The following DNAH11 variants were observed in gnomAD, a reference collection of about 807,000 sequenced individuals.
The protein encoded by DNAH11 is axonemal beta dynein heavy chain 11.
In DNAH11, 442 loss-of-function variants were observed where a neutral mutation model predicts 526.0. That is an observed-to-expected ratio of 0.84 (90% CI 0.78 to 0.91). The LOEUF is 0.91. DNAH11 is among the 40% of genes least tolerant of loss of function. DNAH11 has a pLI of 0.00. For missense variants in DNAH11, 6,989 were observed against 5,448.7 expected (o/e 1.28, Z -8.90); for synonymous variants, 2,461 against 1,935.9 (o/e 1.27, Z -7.12).
chr7:21,884,830 A>T (rs554095092), intron 76 of DNAH11, among the ~76,000 whole-genome samples: 2 of 152,312 alleles, frequency 1.3e-5, no homozygotes, highest in African/African-American at 4.8e-5. Context: ...TTTGATTTCT[A>T]TTCCAGAGTT....
chr7:21,872,593 G>A (rs895933568), intron 73 of DNAH11, among the ~76,000 whole-genome samples: 3 of 152,162 alleles, frequency 2.0e-5, no homozygotes, highest in African/African-American at 7.2e-5. Context: ...ATAACCTGTA[G>A]GTGTTTGGTA....
chr7:21,843,473 G>GTT (rs931095695), intron 66 of DNAH11, among the ~76,000 whole-genome samples: 17 of 137,538 alleles, frequency 1.2e-4, no homozygotes, highest in African/African-American at 5.0e-4. Context: ...CTATGCTCAG[G>GTT]TTTTTTTTGT....
intron 61 of DNAH11, among the ~76,000 whole-genome samples, chr7:21,790,962 G>A (rs2127989335): frequency 6.6e-6 from 1 of 152,348 alleles, no homozygotes; most frequent in Non-Finnish European, 1.5e-5. Context: ...GATGCTGGAA[G>A]AAGAAAAGAA....
At position 21,725,806 on chromosome 7, in the gene DNAH11, C is replaced by T. The variant is rs370674737; in HGVS notation, c.7267-5C>T. 12 of 1,607,386 alleles carry T rather than the reference C, an allele frequency of 7.5e-6. No individual in the cohort carries two copies. The South Asian group carries it at 1.2e-4, about 16-fold the overall frequency. On this transcript the variant is annotated splice_polypyrimidine_tract_variant and splice_region_variant and intron_variant, in intron 44 of 81. Transcript: ENST00000409508. ...TGCAATAAGGATTTCTTTTGTTCTCCTTAGATTTCTGATTATCAAGCTGAC... is the reference window on the plus strand; with the variant it reads ...TGCAATAAGGATTTCTTTTGTTCTCTTTAGATTTCTGATTATCAAGCTGAC...
In DNAH11 at chr7:21,738,109, C is replaced by A. The variant is rs146248740; in HGVS notation, c.7646-592C>A. Among the ~76,000 whole-genome samples the A allele has an allele frequency of 5.0e-3, 759 of 152,130 alleles. 9 individuals carry two copies. The highest frequency in any genetic ancestry group is 0.017 in the African/African-American group (714 of 41,504). On this transcript the variant is annotated intron_variant, in intron 46 of 81. Transcript: ENST00000409508. Reference sequence around the variant, plus strand: ...AATCAGATACTACATCTCAGACACGCACTGTTCTGGATTTTCTTCACCCAG... The same window carrying A: ...AATCAGATACTACATCTCAGACACGAACTGTTCTGGATTTTCTTCACCCAG...
intron 55 of DNAH11, among the ~76,000 whole-genome samples, chr7:21,768,768 T>C (rs1787294671): frequency 6.6e-6 from 1 of 152,248 alleles, no homozygotes; most frequent in African/African-American, 2.4e-5. Flanking sequence ...ATTTTACTGC[T>C]ATATTTAAAG....
At chr7:21,559,543 TC>T in intron 3 of DNAH11, 59 bp from the exon 4 acceptor site, 2 of 1,338,506 alleles carry the variant, frequency 1.5e-6, no homozygotes, top group Middle Eastern at 3.8e-4. Flanking sequence ...ACTATTAAAG[TC>T]TATGTCTTTG....
intron 30 of DNAH11, among the ~76,000 whole-genome samples, chr7:21,672,835 A>G (rs1360695324): frequency 6.6e-6 from 1 of 152,092 alleles, no homozygotes; most frequent in Non-Finnish European, 1.5e-5. Flanking sequence ...AAAATGGGGG[A>G]CCAGCCACCA....
In DNAH11 at chr7:21,744,506, A is replaced by C; in HGVS notation, c.8223A>C (p.Glu2741Asp). The C allele has an allele frequency of 6.2e-7, 1 of 1,613,920 alleles. No homozygotes were observed. Among genetic ancestry groups the C allele is most frequent in the Non-Finnish European group, 8.5e-7 (1 of 1,179,844 alleles). Residue 2741 changes from glutamate to aspartate, a missense_variant, in exon 50 of 82, where the codon GAA becomes GAC. Physicochemically the swap from Glu to Asp is conservative, Grantham distance 45. Coordinates refer to ENST00000409508, the MANE Select transcript of DNAH11 (RefSeq NM_001277115.2). ...ATTTAATACATCTGTGGCTTCATGAATCTGCCCGTGTTTATGGAGACAAAC... is the reference window on the plus strand; with the variant it reads ...ATTTAATACATCTGTGGCTTCATGACTCTGCCCGTGTTTATGGAGACAAAC... ...PLDLIHLWLH[E>D]SARVYGDKLI...
Position 21,543,470 on chromosome 7 carries a change from G to A in DNAH11, c.225G>A (p.Glu75=). Reference sequence around the variant, plus strand: ...CGATGATGCTGGGGTTCACGGAGGAGAAATGGAGCCAGTATTTGGAAAGCG... The same window carrying A: ...CGATGATGCTGGGGTTCACGGAGGAAAAATGGAGCCAGTATTTGGAAAGCG... ...RLAMMLGFTE[E]KWSQYLESED... Residue 75 remains glutamate, a synonymous_variant, in exon 1 of 82, where the codon GAG becomes GAA. Coordinates refer to ENST00000409508, the MANE Select transcript of DNAH11 (RefSeq NM_001277115.2). The A allele has an allele frequency of 6.3e-7, 1 of 1,588,988 alleles. No homozygotes were observed. The highest frequency in any genetic ancestry group is 8.6e-7 in the Non-Finnish European group (1 of 1,167,144).
Position 21,600,706 on chromosome 7 carries a change from G to A in DNAH11, c.3031G>A (p.Glu1011Lys). The A allele has an allele frequency of 1.9e-6, 3 of 1,613,196 alleles. No individual in the cohort carries two copies. Among genetic ancestry groups the A allele is most frequent in the Non-Finnish European group, 2.5e-6 (3 of 1,179,432 alleles). ...NDMDNMLGLA[E>K]VRQEIMNRVV... ...TATGGATAACATGTTAGGCCTGGCA[G>A]AGGTCAGGCAGGAGATCATGAACAG... Residue 1011 changes from glutamate to lysine, a missense_variant, in exon 16 of 82, where the codon GAG (glutamate) becomes AAG (lysine). By Grantham distance (56) the Glu-to-Lys change is moderately conservative. Coordinates refer to ENST00000409508, the MANE Select transcript of DNAH11 (RefSeq NM_001277115.2).
intron 8 of DNAH11, among the ~76,000 whole-genome samples, chr7:21,577,212 G>GTA (rs1784129704): frequency 6.6e-6 from 1 of 152,206 alleles, no homozygotes; most frequent in Non-Finnish European, 1.5e-5. Flanking sequence ...AAGAAGGAGA[G>GTA]AGCTTAACAC....
At chr7:21,766,603 T>C (rs1010048778) in intron 55 of DNAH11, among the ~76,000 whole-genome samples, 1 of 152,194 alleles carries the variant, frequency 6.6e-6, no homozygotes, top group Non-Finnish European at 1.5e-5. Context: ...TTGTTGTATA[T>C]TGTATCATTC....
intron 55 of DNAH11, among the ~76,000 whole-genome samples, chr7:21,767,151 A>G (rs1263242439): frequency 9.9e-5 from 15 of 152,170 alleles, no homozygotes; most frequent in Non-Finnish European, 1.5e-4. Context: ...TTATCTTGTG[A>G]TAGTTACAAG....
At chr7:21,694,510 C>G (rs1173090855) in intron 35 of DNAH11, among the ~76,000 whole-genome samples, 2 of 152,124 alleles carry the variant, frequency 1.3e-5, no homozygotes, top group Admixed American at 6.5e-5. Context: ...TCATCCATGT[C>G]CCTGTAAAGG....
chr7:21,678,235 A>T, intron 30 of DNAH11, among the ~76,000 whole-genome samples: 1 of 148,706 alleles, frequency 6.7e-6, no homozygotes, highest in African/African-American at 2.5e-5. Flanking sequence ...ATTCATTTTG[A>T]GTTTTTTTTG....
intron 54 of DNAH11, among the ~76,000 whole-genome samples, chr7:21,760,048 G>A (rs1355967457): frequency 3.3e-5 from 5 of 152,036 alleles, no homozygotes; most frequent in East Asian, 3.9e-4. Flanking sequence ...ATTTTTTCAC[G>A]GACTTTCTAA....
At chr7:21,786,581 G>T (rs2072093) in intron 58 of DNAH11, 43 bp from the exon 59 acceptor site, 1 of 1,563,792 alleles carries the variant, frequency 6.4e-7, no homozygotes, top group Non-Finnish European at 8.7e-7. Context: ...CCAGACTTCC[G>T]CTAATCCTGT....
At chr7:21,690,694 G>C in intron 34 of DNAH11, 71 bp from the exon 35 acceptor site, 1 of 1,171,460 alleles carries the variant, frequency 8.5e-7, no homozygotes, top group Non-Finnish European at 1.2e-6. Flanking sequence ...TTTTGCAGTG[G>C]TTTGCATTTG....
Sources: gnomAD v4.1 joint callset for allele counts (sites outside exome capture counted in the v4.1 genomes callset) on GRCh38, gnomAD v4.1.1 for gene constraint, MANE v1.5 for transcripts, NCBI Gene and HGNC (gene_info 2026-07-23, HGNC 2026-07-21) for gene names.